Variants in CENPP observed in about 807,000 individuals in gnomAD.
The protein encoded by CENPP is centromere protein P.
Under a neutral mutation model 35.6 loss-of-function variants are expected in CENPP, and 24 were observed. That is an observed-to-expected ratio of 0.67 (90% CI 0.49 to 0.95). The LOEUF (loss-of-function observed/expected upper bound fraction) is 0.95. Ranked by LOEUF, CENPP falls within the 40% of genes least tolerant of loss-of-function variation. CENPP has a pLI of 0.00. For missense variants in CENPP, 332 were observed against 345.3 expected (o/e 0.96, Z 0.31); for synonymous variants, 120 against 125.5 (o/e 0.96, Z 0.29).
At position 92,476,128 on chromosome 9, in the gene CENPP, A is replaced by G. The variant is rs1004414367; in HGVS notation, c.564+96269A>G. 5.3e-5 allele frequency among the ~76,000 whole-genome samples: 8 copies of G among 152,182 alleles called. No individual in the cohort carries two copies. The highest frequency in any genetic ancestry group is 1.4e-4 in the African/African-American group (6 of 41,448). ...CACAGCAGAGGGCTCCGCAGACCCT[A>G]ATAGTCCACCAGGCTACAGTCACCT... On this transcript the variant is annotated intron_variant, in intron 5 of 7. Coordinates refer to ENST00000375587, the MANE Select transcript of CENPP (RefSeq NM_001012267.3). The surrounding 1 kb of genome is among the most constrained non-coding windows in gnomAD (Gnocchi z 4.1).
intron 3 of CENPP, 142 bp downstream of exon 3, chr9:92,337,771 G>A: frequency 4.5e-6 from 3 of 664,092 alleles, no homozygotes; most frequent in Non-Finnish European, 8.2e-6. Context: ...TTTGTGCAAA[G>A]TGGTACATTT....
chr9:92,346,056 G>C (rs1289790985), intron 4 of CENPP, among the ~76,000 whole-genome samples: 1 of 152,216 alleles, frequency 6.6e-6, no homozygotes, highest in African/African-American at 2.4e-5. Context: ...GGAATTGACA[G>C]TCTAGTGGAG....
chr9:92,363,560 T>C (rs1005356731), intron 4 of CENPP, among the ~76,000 whole-genome samples: 3 of 152,220 alleles, frequency 2.0e-5, no homozygotes, highest in African/African-American at 7.2e-5. Context: ...TTAAGTACAC[T>C]GTATGATGTT....
At chr9:92,601,726 G>A (rs1311431262) in intron 5 of CENPP, among the ~76,000 whole-genome samples, 1 of 152,184 alleles carries the variant, frequency 6.6e-6, no homozygotes, top group Admixed American at 6.5e-5. Context: ...ACTGTAAATC[G>A]GCTGATCAAA....
chr9:92,441,752 C>T (rs571472108), intron 5 of CENPP, among the ~76,000 whole-genome samples: 1 of 152,102 alleles, frequency 6.6e-6, no homozygotes, highest in East Asian at 1.9e-4. Context: ...GAGTGAGACT[C>T]TTAGGAAACA....
At chr9:92,450,271 G>A (rs1010517392) in intron 5 of CENPP, among the ~76,000 whole-genome samples, 2 of 121,458 alleles carry the variant, frequency 1.6e-5, no homozygotes, top group African/African-American at 6.6e-5. Context: ...ACAGTCCCCA[G>A]AGTGTGATGT....
At chr9:92,490,749 T>C (rs1228242329) in intron 5 of CENPP, among the ~76,000 whole-genome samples, 1 of 152,228 alleles carries the variant, frequency 6.6e-6, no homozygotes, top group African/African-American at 2.4e-5. Context: ...TATTACCAGT[T>C]GTCAAAGCAT....
At chr9:92,347,370 C>T (rs1344999811) in intron 4 of CENPP, among the ~76,000 whole-genome samples, 1 of 152,192 alleles carries the variant, frequency 6.6e-6, no homozygotes, top group Non-Finnish European at 1.5e-5. Flanking sequence ...ATTATAGTTA[C>T]TTAATAAATA....
chr9:92,336,100 C>A (rs1256097859), intron 2 of CENPP, among the ~76,000 whole-genome samples: 2 of 152,206 alleles, frequency 1.3e-5, no homozygotes, highest in African/African-American at 4.8e-5. Flanking sequence ...GGTCATTCTT[C>A]TCTGTCTCTT....
chr9:92,424,756 C>T (rs1029992200), intron 5 of CENPP, among the ~76,000 whole-genome samples: 3 of 152,158 alleles, frequency 2.0e-5, no homozygotes, highest in African/African-American at 7.2e-5. Flanking sequence ...CTCACCACAA[C>T]CTCCACCTCC....
intron 5 of CENPP, among the ~76,000 whole-genome samples, chr9:92,426,786 A>G (rs1037832377): frequency 1.3e-4 from 20 of 152,206 alleles, no homozygotes; most frequent in African/African-American, 4.3e-4. Flanking sequence ...AGACATCAGT[A>G]TGAACTCATA....
intron 4 of CENPP, among the ~76,000 whole-genome samples, chr9:92,357,002 TAG>T (rs1841605975): frequency 3.3e-5 from 5 of 152,206 alleles, no homozygotes; most frequent in Non-Finnish European, 5.9e-5. Context: ...TAAAATGCAT[TAG>T]TTTTTTAAAT....
intron 5 of CENPP, among the ~76,000 whole-genome samples, chr9:92,609,685 C>T (rs1186148681): frequency 6.6e-6 from 1 of 152,268 alleles, no homozygotes; most frequent in Non-Finnish European, 1.5e-5. Context: ...CCTGTCACCC[C>T]TGACCCTGCA....
intron 5 of CENPP, among the ~76,000 whole-genome samples, chr9:92,596,820 T>C (rs1850796676): frequency 6.6e-6 from 1 of 150,878 alleles, no homozygotes. Flanking sequence ...TCTATAATAC[T>C]TCCTCTAAGT....
chr9:92,579,561 C>G (rs1440502317), intron 5 of CENPP, among the ~76,000 whole-genome samples: 1 of 152,070 alleles, frequency 6.6e-6, no homozygotes, highest in Non-Finnish European at 1.5e-5. Flanking sequence ...TTCTTTGAAG[C>G]AATTGTGAAT....
intron 5 of CENPP, among the ~76,000 whole-genome samples, chr9:92,512,882 A>T (rs545638231): frequency 7.2e-5 from 11 of 152,270 alleles, no homozygotes; most frequent in Non-Finnish European, 1.5e-4. Context: ...CTTAGGGCAG[A>T]GCATACCTGG....
chr9:92,409,334 C>T lies in CENPP; in HGVS notation c.564+29475C>T, dbSNP rs142262624. Among the ~76,000 whole-genome samples the T allele has an allele frequency of 3.7e-4, 56 of 152,258 alleles. 1 individual carries two copies. In the East Asian group the frequency reaches 8.9e-3, roughly 24 times the overall value. ...AAGAAATGGATTTAGAATCAGGAAA[C>T]CAGGGTTTTAGGTCTAGCCATCCTT... On this transcript the variant is annotated intron_variant, in intron 5 of 7. Coordinates refer to ENST00000375587, the MANE Select transcript of CENPP (RefSeq NM_001012267.3).
chr9:92,611,519 G>A, intron 6 of CENPP, 126 bp downstream of exon 6: 2 of 701,442 alleles, frequency 2.9e-6, no homozygotes, highest in Non-Finnish European at 2.4e-6. Context: ...GTCGGTTGGA[G>A]GAATCAGTGG....
At chr9:92,453,883 T>C (rs1251609750) in intron 5 of CENPP, among the ~76,000 whole-genome samples, 3 of 151,868 alleles carry the variant, frequency 2.0e-5, no homozygotes, top group Admixed American at 6.6e-5. Flanking sequence ...TACTCTGGAG[T>C]CTGAGACAGG....
Sources: allele counts gnomAD v4.1 joint callset (sites outside exome capture counted in the v4.1 genomes callset), GRCh38; gene constraint gnomAD v4.1.1; non-coding constraint Gnocchi (gnomAD v3.1); transcripts MANE v1.5; gene names NCBI Gene and HGNC (gene_info 2026-07-23, HGNC 2026-07-21).